Variants in SNX29 observed in about 807,000 individuals in gnomAD.
The protein encoded by SNX29 is sorting nexin 29, also known as sorting nexin-29.
In SNX29, 78 loss-of-function variants were observed where a neutral mutation model predicts 102.1. The observed-to-expected ratio is 0.76, with a 90% CI of 0.64 to 0.92. The LOEUF (loss-of-function observed/expected upper bound fraction) is 0.92. SNX29 is among the 40% of genes least tolerant of loss of function. The pLI, the probability that SNX29 is intolerant of heterozygous loss-of-function variation, is 0.00. For synonymous variants in SNX29, 580 were observed against 414.5 expected, an observed-to-expected ratio of 1.40 and a Z score of -4.85; for missense variants, 1,280 against 1,061.7, an observed-to-expected ratio of 1.21 and a Z score of -2.86.
In SNX29 at chr16:12,225,877, T is replaced by A. The variant is rs533757805; in HGVS notation, c.1678+26194T>A. ...CTCAATGTAGTTAACTCCACAATAA[T>A]ACACTAGAGTTACTGAAGAGGCTCT... On this transcript the variant is annotated intron_variant, in intron 14 of 20. Transcript: ENST00000566228. Among the ~76,000 whole-genome samples, 3 of 152,272 alleles carry A rather than the reference T, an allele frequency of 2.0e-5. No homozygotes were observed. In the South Asian group the frequency reaches 6.2e-4, roughly 32 times the overall value.
At chr16:12,422,278 A>G (rs1334283663) in intron 18 of SNX29, among the ~76,000 whole-genome samples, 2 of 152,182 alleles carry the variant, frequency 1.3e-5, no homozygotes, top group Non-Finnish European at 2.9e-5. Context: ...ACAGAGATGA[A>G]AATACCTCCC....
chr16:12,555,538 G>A (rs1479793050), intron 20 of SNX29, among the ~76,000 whole-genome samples: 1 of 151,272 alleles, frequency 6.6e-6, no homozygotes, highest in African/African-American at 2.4e-5. Context: ...CTCTCTGGGA[G>A]GTCATACCGT....
At chr16:12,556,131 A>C (rs1267557383) in intron 20 of SNX29, among the ~76,000 whole-genome samples, 1 of 152,128 alleles carries the variant, frequency 6.6e-6, no homozygotes, top group Non-Finnish European at 1.5e-5. Flanking sequence ...TATGTTCTCA[A>C]AGTGATGGTT....
intron 20 of SNX29, among the ~76,000 whole-genome samples, chr16:12,540,084 A>G (rs542201048): frequency 2.6e-5 from 4 of 152,190 alleles, no homozygotes; most frequent in African/African-American, 7.2e-5. Flanking sequence ...ATGTCTACCA[A>G]TTGTTAGCCT....
chr16:12,543,586 C>A (rs751728202), intron 20 of SNX29, among the ~76,000 whole-genome samples: 1 of 152,228 alleles, frequency 6.6e-6, no homozygotes, highest in Admixed American at 6.5e-5. Flanking sequence ...CGTGGTGCGT[C>A]CCAGTTCATC....
intron 20 of SNX29, among the ~76,000 whole-genome samples, chr16:12,550,234 A>AT (rs2077884685): frequency 6.6e-6 from 1 of 152,200 alleles, no homozygotes; most frequent in African/African-American, 2.4e-5. Flanking sequence ...TACCTTTCTA[A>AT]TTTTAGAAAT....
intron 15 of SNX29, among the ~76,000 whole-genome samples, chr16:12,341,766 T>G (rs886344722): frequency 2.6e-5 from 4 of 152,206 alleles, no homozygotes; most frequent in African/African-American, 9.6e-5. Context: ...TCGTTGGCCC[T>G]AAGTCAGAAG....
intron 16 of SNX29, among the ~76,000 whole-genome samples, chr16:12,376,604 C>A (rs961511987): frequency 1.3e-5 from 2 of 151,830 alleles, no homozygotes; most frequent in Non-Finnish European, 2.9e-5. Flanking sequence ...GGCATGGCGG[C>A]TGGCACCTAT....
At chr16:12,401,447 C>T (rs1383347530) in intron 17 of SNX29, among the ~76,000 whole-genome samples, 1 of 149,414 alleles carries the variant, frequency 6.7e-6, no homozygotes, top group African/African-American at 2.5e-5. Flanking sequence ...TCACTGCAAC[C>T]TCTGCCTCCG....
At chr16:12,498,621 C>G (rs568473614) in intron 19 of SNX29, among the ~76,000 whole-genome samples, 3 of 152,266 alleles carry the variant, frequency 2.0e-5, no homozygotes, top group African/African-American at 7.2e-5. Context: ...CATAGGCTTA[C>G]AATTTTTGAG....
At chr16:12,199,733 A>AC (rs2076867168) in intron 14 of SNX29, 50 bp downstream of exon 14, 4 of 1,505,754 alleles carry the variant, frequency 2.7e-6, no homozygotes, top group African/African-American at 1.4e-5. Context: ...TTTTCCATTA[A>AC]CACCTGTACG....
At chr16:12,382,171 C>T (rs2083188393) in intron 16 of SNX29, among the ~76,000 whole-genome samples, 1 of 152,080 alleles carries the variant, frequency 6.6e-6, no homozygotes, top group Non-Finnish European at 1.5e-5. Context: ...TGCCGAGCGC[C>T]ATGAGGACCT....
chr16:12,244,035 A>G (rs2078189587), intron 14 of SNX29, among the ~76,000 whole-genome samples: 1 of 151,984 alleles, frequency 6.6e-6, no homozygotes, highest in South Asian at 2.1e-4. Flanking sequence ...CAGGCATTAG[A>G]TTTTCACAAG....
intron 14 of SNX29, among the ~76,000 whole-genome samples, chr16:12,234,238 G>A (rs751745538): frequency 1.3e-5 from 2 of 152,084 alleles, no homozygotes; most frequent in Non-Finnish European, 2.9e-5. Flanking sequence ...TGTAGCCATC[G>A]AGTGGATGTG....
chr16:12,217,688 G>A, intron 14 of SNX29, among the ~76,000 whole-genome samples: 1 of 152,314 alleles, frequency 6.6e-6, no homozygotes, highest in Admixed American at 6.5e-5. Context: ...TGTTCTTGGA[G>A]CATGAATGAT....
chr16:12,476,418 A>ATATATATATATATATATACG (rs1354520530), intron 18 of SNX29, among the ~76,000 whole-genome samples: 1 of 29,300 alleles, frequency 3.4e-5, no homozygotes, highest in African/African-American at 1.2e-4. Context: ...ATATACATAT[A>ATATATATATATATATATACG]TATATATATA....
intron 13 of SNX29, among the ~76,000 whole-genome samples, chr16:12,162,149 C>T (rs1386665279): frequency 3.3e-5 from 5 of 152,136 alleles, no homozygotes; most frequent in African/African-American, 1.2e-4. Flanking sequence ...GATGGCTTTG[C>T]ACGTGATGGC....
intron 15 of SNX29, among the ~76,000 whole-genome samples, chr16:12,347,892 A>G (rs925068825): frequency 2.0e-5 from 3 of 147,764 alleles, no homozygotes; most frequent in African/African-American, 7.6e-5. Flanking sequence ...AGCCTGAGAA[A>G]CGTAGCCATA....
chr16:12,284,420 C>T (rs1294447240), intron 15 of SNX29, among the ~76,000 whole-genome samples: 1 of 152,232 alleles, frequency 6.6e-6, no homozygotes, highest in Non-Finnish European at 1.5e-5. Flanking sequence ...GCTTCCTCTT[C>T]TCCCCTCCAT....
Sources: gnomAD v4.1 joint callset for allele counts (sites outside exome capture counted in the v4.1 genomes callset) on GRCh38, gnomAD v4.1.1 for gene constraint, MANE v1.5 for transcripts, NCBI Gene and HGNC (gene_info 2026-07-23, HGNC 2026-07-21) for gene names.